Variants in AGMO observed in about 807,000 individuals in gnomAD.
AGMO encodes the protein alkylglycerol monooxygenase, also known as glyceryl-ether monooxygenase.
In AGMO, 75 loss-of-function variants were observed where a neutral mutation model predicts 60.2. The observed-to-expected ratio is 1.25, with a 90% CI of 1.03 to 1.51. The LOEUF is 1.51. Among genes scored for constraint, AGMO ranks in the 40% most tolerant of loss-of-function variants. The probability of loss-of-function intolerance (pLI) is 0.00; values close to 1 mark genes in which losing one functional copy is unlikely to be tolerated. For missense variants in AGMO, 763 were observed against 525.5 expected (o/e 1.45, Z -4.42); for synonymous variants, 261 against 177.1 (o/e 1.47, Z -3.76).
chr7:15,342,509 G>C (rs1781887723), intron 12 of AGMO, among the ~76,000 whole-genome samples: 1 of 151,686 alleles, frequency 6.6e-6, no homozygotes, highest in African/African-American at 2.4e-5. Flanking sequence ...GTCAAAACCA[G>C]GTTTACTAGT....
intron 12 of AGMO, among the ~76,000 whole-genome samples, chr7:15,202,045 A>G (rs1230528614): frequency 6.6e-6 from 1 of 152,146 alleles, no homozygotes; most frequent in Admixed American, 6.6e-5. Flanking sequence ...ACCGACAATT[A>G]AAACTATAGG....
At chr7:15,169,112 G>A in the AGMO span, among the ~76,000 whole-genome samples, 1 of 152,200 alleles carries the variant, frequency 6.6e-6, no homozygotes, top group African/African-American at 2.4e-5. Flanking sequence ...CAAATGAGCA[G>A]GAGGACTGCT....
chr7:15,298,974 G>A (rs2128525087), intron 12 of AGMO, among the ~76,000 whole-genome samples: 1 of 151,896 alleles, frequency 6.6e-6, no homozygotes, highest in African/African-American at 2.4e-5. Context: ...GTCTGTTCTC[G>A]TTATTGTCCC....
At chr7:15,165,664 T>C in the AGMO span, among the ~76,000 whole-genome samples, 119 of 152,294 alleles carry the variant, frequency 7.8e-4, no homozygotes, top group African/African-American at 2.7e-3. Flanking sequence ...GTTCCTAGTC[T>C]AGTACAATTT....
intron 6 of AGMO, among the ~76,000 whole-genome samples, chr7:15,392,990 A>G (rs1784212935): frequency 1.3e-5 from 2 of 152,262 alleles, no homozygotes; most frequent in African/African-American, 4.8e-5. Flanking sequence ...TATGGAATAT[A>G]GTACCGAAAG....
intron 12 of AGMO, among the ~76,000 whole-genome samples, chr7:15,327,170 G>A (rs4256500): frequency 6.6e-6 from 1 of 151,856 alleles, no homozygotes; most frequent in African/African-American, 2.4e-5. Flanking sequence ...AACCTGGCTC[G>A]GTTTTCAACT....
chr7:15,392,192 C>T (rs903251397), intron 6 of AGMO, among the ~76,000 whole-genome samples: 2 of 152,000 alleles, frequency 1.3e-5, no homozygotes, highest in Non-Finnish European at 2.9e-5. Context: ...GCCTCAGCCT[C>T]CCGAGTAGCT....
chr7:15,402,276 T>A (rs1178622193), intron 5 of AGMO, among the ~76,000 whole-genome samples: 1 of 151,952 alleles, frequency 6.6e-6, no homozygotes, highest in African/African-American at 2.4e-5. Flanking sequence ...TCACTTCTGT[T>A]CCTCCTCCTC....
chr7:15,556,609 T>C (rs539835719), intron 2 of AGMO, among the ~76,000 whole-genome samples: 11 of 152,162 alleles, frequency 7.2e-5, no homozygotes, highest in Non-Finnish European at 1.3e-4. Flanking sequence ...TAATGAAGGA[T>C]TGGAAATTGA....
intron 10 of AGMO, among the ~76,000 whole-genome samples, chr7:15,373,447 C>T (rs938467878): frequency 2.0e-5 from 3 of 152,114 alleles, no homozygotes; most frequent in African/African-American, 7.2e-5. Flanking sequence ...AACACAAAAA[C>T]AGCAGAATTA....
chr7:15,498,303 T>A (rs540436165), intron 3 of AGMO, among the ~76,000 whole-genome samples: 24 of 152,076 alleles, frequency 1.6e-4, no homozygotes, highest in Middle Eastern at 3.4e-3. Context: ...TTGTATACTA[T>A]CAAAGAAAGG....
chr7:15,480,324 T>A (rs1390381451), intron 3 of AGMO, among the ~76,000 whole-genome samples: 2 of 152,178 alleles, frequency 1.3e-5, no homozygotes, highest in African/African-American at 2.4e-5. Flanking sequence ...GTCTTATGAT[T>A]AATGCAATAA....
At chr7:15,271,547 C>G (rs1783611603) in intron 12 of AGMO, among the ~76,000 whole-genome samples, 1 of 152,050 alleles carries the variant, frequency 6.6e-6, no homozygotes, top group African/African-American at 2.4e-5. Context: ...AGTCATTTGT[C>G]AAGTCCAGGA....
chr7:15,372,670 A>G (rs1783266529), intron 10 of AGMO, among the ~76,000 whole-genome samples: 1 of 152,154 alleles, frequency 6.6e-6, no homozygotes, highest in African/African-American at 2.4e-5. Context: ...TGAAGACTAT[A>G]AATATTTAGT....
At position 15,484,328 on chromosome 7, in the gene AGMO, G is replaced by A. The variant is rs145198548; in HGVS notation, c.410-53220C>T. Among the ~76,000 whole-genome samples the A allele has an allele frequency of 9.3e-4, 141 of 152,028 alleles. 1 individual carries two copies. Among genetic ancestry groups the A allele is most frequent in the African/African-American group, 3.3e-3 (137 of 41,462 alleles). ...TCTTTGGCCTGGTACAAAATGTATC[G>A]TACAAATTCATTTGCATCAAGTTCA... On this transcript the variant is annotated intron_variant, in intron 3 of 12. Transcript: ENST00000342526.
intron 3 of AGMO, among the ~76,000 whole-genome samples, chr7:15,439,226 A>G (rs773470422): frequency 1.3e-5 from 2 of 152,066 alleles, no homozygotes; most frequent in Non-Finnish European, 2.9e-5. Flanking sequence ...GTGAAACCCC[A>G]TCTCTACTAA....
chr7:15,130,193 A>G, the AGMO span, among the ~76,000 whole-genome samples: 2 of 152,052 alleles, frequency 1.3e-5, no homozygotes, highest in Non-Finnish European at 2.9e-5. Context: ...GTTTAGAGTA[A>G]TGATTTTCAA....
At chr7:15,366,651 G>A (rs1226264112) in intron 10 of AGMO, among the ~76,000 whole-genome samples, 1 of 151,968 alleles carries the variant, frequency 6.6e-6, no homozygotes, top group African/African-American at 2.4e-5. Context: ...ATTTAAAGGA[G>A]ACTGTGTTTA....
At chr7:15,145,004 A>C in the AGMO span, among the ~76,000 whole-genome samples, 1 of 151,892 alleles carries the variant, frequency 6.6e-6, no homozygotes, top group Non-Finnish European at 1.5e-5. Context: ...TAATTTTTTT[A>C]TTTTTAGTAG....
Sources: allele counts gnomAD v4.1 joint callset (sites outside exome capture counted in the v4.1 genomes callset), GRCh38; gene constraint gnomAD v4.1.1; transcripts MANE v1.5; gene names NCBI Gene and HGNC (gene_info 2026-07-23, HGNC 2026-07-21).